Variants in ZNF385B observed in about 807,000 individuals in gnomAD.
ZNF385B encodes zinc finger protein 533.
Under a neutral mutation model 39.2 loss-of-function variants are expected in ZNF385B, and 23 were observed. The ratio of observed to expected loss-of-function variants is 0.59; its 90% confidence interval spans 0.42 to 0.83. The LOEUF is 0.83. ZNF385B is among the 40% of genes least tolerant of loss of function. The pLI is 0.00. For synonymous variants in ZNF385B, 205 were observed against 222.6 expected (o/e 0.92, Z 0.70); for missense variants, 552 against 598.9 (o/e 0.92, Z 0.82).
At chr2:179,690,379 G>A (rs73973676) in intron 3 of ZNF385B, among the ~76,000 whole-genome samples, 288 of 152,242 alleles carry the variant, frequency 1.9e-3, no homozygotes, top group African/African-American at 6.5e-3. Context: ...TCACGTCTGT[G>A]CATACTCAAG....
intron 1 of ZNF385B, among the ~76,000 whole-genome samples, chr2:179,855,445 A>C (rs2105450817): frequency 6.6e-6 from 1 of 152,306 alleles, no homozygotes; most frequent in East Asian, 1.9e-4. Flanking sequence ...CATTTTTCAT[A>C]AAGTAGGTAT....
intron 3 of ZNF385B, among the ~76,000 whole-genome samples, chr2:179,748,688 A>G (rs1702512092): frequency 6.6e-6 from 1 of 152,208 alleles, no homozygotes; most frequent in African/African-American, 2.4e-5. Flanking sequence ...TTTAAAAACA[A>G]ATGTTCTCAA....
chr2:179,551,540 A>G (rs1574752975), intron 3 of ZNF385B, among the ~76,000 whole-genome samples: 1 of 152,144 alleles, frequency 6.6e-6, no homozygotes, highest in East Asian at 1.9e-4. Context: ...TAAATCACAC[A>G]CCCACCAGTG....
intron 3 of ZNF385B, among the ~76,000 whole-genome samples, chr2:179,661,221 T>C (rs1288166793): frequency 6.6e-6 from 1 of 152,172 alleles, no homozygotes; most frequent in Non-Finnish European, 1.5e-5. Context: ...GAAAACAGGA[T>C]AATTTAAAGC....
At chr2:179,454,985 A>G (rs1320472235) in intron 6 of ZNF385B, among the ~76,000 whole-genome samples, 1 of 152,154 alleles carries the variant, frequency 6.6e-6, no homozygotes, top group Non-Finnish European at 1.5e-5. Context: ...AGTGCTTATA[A>G]AGTCTACAGT....
intron 6 of ZNF385B, chr2:179,481,133 T>A (rs1200344839): frequency 1.3e-5 from 2 of 152,198 alleles, no homozygotes; most frequent in Non-Finnish European, 2.9e-5. Flanking sequence ...CTGGTATGCT[T>A]TATCCTGGTG....
chr2:179,594,875 T>G (rs926603078), intron 3 of ZNF385B, among the ~76,000 whole-genome samples: 2 of 151,826 alleles, frequency 1.3e-5, no homozygotes, highest in African/African-American at 4.8e-5. Flanking sequence ...GGCCTAATCA[T>G]GGTTTACTGC....
At chr2:179,773,920 A>T (rs925233367) in intron 1 of ZNF385B, among the ~76,000 whole-genome samples, 5 of 152,166 alleles carry the variant, frequency 3.3e-5, no homozygotes, top group Non-Finnish European at 7.4e-5. Flanking sequence ...ATAGGCACTT[A>T]ATAAATGTTG....
intron 3 of ZNF385B, among the ~76,000 whole-genome samples, chr2:179,643,583 A>C (rs1299051806): frequency 6.6e-6 from 1 of 152,178 alleles, no homozygotes; most frequent in African/African-American, 2.4e-5. Flanking sequence ...AATCTCAAAG[A>C]GTTTGTGCTG....
chr2:179,585,655 T>C (rs17818050), intron 3 of ZNF385B, among the ~76,000 whole-genome samples: 54,862 of 152,018 alleles, frequency 0.36, 10,179 homozygotes, highest in Middle Eastern at 0.43. Context: ...AATCTAACAG[T>C]CTTGGAATAA....
In ZNF385B at chr2:179,852,553, C is replaced by T. The variant is rs1036027381; in HGVS notation, c.-155+8548G>A. ...CATGAGTGAGCTCACATAGATACTG[C>T]GGCAGGCGTCCAGTGGTTCACGTTG... On this transcript the variant is annotated intron_variant, in intron 1 of 9. Coordinates refer to ENST00000410066, the MANE Select transcript of ZNF385B (RefSeq NM_152520.6). 2.0e-4 allele frequency among the ~76,000 whole-genome samples: 31 copies of T among 152,098 alleles called. 1 individual carries two copies. Among genetic ancestry groups the T allele is most frequent in the African/African-American group, 2.9e-4 (12 of 41,410 alleles).
chr2:179,565,787 T>C (rs1414111259), intron 3 of ZNF385B, among the ~76,000 whole-genome samples: 1 of 152,246 alleles, frequency 6.6e-6, no homozygotes, highest in Non-Finnish European at 1.5e-5. Context: ...CCACGAAGCC[T>C]TCCCTCTTTT....
chr2:179,835,677 C>T (rs1195093546), intron 1 of ZNF385B, among the ~76,000 whole-genome samples: 2 of 151,966 alleles, frequency 1.3e-5, no homozygotes, highest in African/African-American at 2.4e-5. Flanking sequence ...TTCTGTTTGT[C>T]ATTATTGTTA....
At chr2:179,683,652 T>G (rs976217826) in intron 3 of ZNF385B, among the ~76,000 whole-genome samples, 2 of 151,834 alleles carry the variant, frequency 1.3e-5, no homozygotes, top group African/African-American at 4.8e-5. Flanking sequence ...ATTTTTGTAT[T>G]TTTAGTACAG....
intron 5 of ZNF385B, chr2:179,514,081 T>G (rs2057901409): frequency 6.6e-6 from 1 of 152,240 alleles, no homozygotes; most frequent in African/African-American, 2.4e-5. Context: ...GCTTATTATC[T>G]TACAGTTCTG....
At chr2:179,709,954 G>A (rs537128436) in intron 3 of ZNF385B, among the ~76,000 whole-genome samples, 30 of 152,246 alleles carry the variant, frequency 2.0e-4, no homozygotes, top group African/African-American at 6.5e-4. Context: ...GCATCCCCAC[G>A]GATTTCAACA....
chr2:179,780,625 G>A (rs555801389), intron 1 of ZNF385B, among the ~76,000 whole-genome samples: 44 of 152,086 alleles, frequency 2.9e-4, no homozygotes, highest in Non-Finnish European at 5.7e-4. Context: ...ATCCTTGATT[G>A]TAGACAACTT....
rs542236503 is a variant in ZNF385B at position 179,685,988 on chromosome 2, G to A, written c.298+83515C>T. ...GCCTTCTATTAATTGGGAAGGGAGT[G>A]GAGACCACCTCCTCTCTATTTTCCC... On this transcript the variant is annotated intron_variant, in intron 3 of 9. Coordinates refer to ENST00000410066, the MANE Select transcript of ZNF385B (RefSeq NM_152520.6). 9.9e-5 allele frequency among the ~76,000 whole-genome samples: 15 copies of A among 152,254 alleles called. No individual in the cohort carries two copies. The South Asian group carries it at 2.9e-3, about 30-fold the overall frequency.
chr2:179,602,003 A>G (rs1688446650), intron 3 of ZNF385B, among the ~76,000 whole-genome samples: 1 of 152,180 alleles, frequency 6.6e-6, no homozygotes. Flanking sequence ...CTAACCTACA[A>G]TTCTCATCAC....
Sources: allele counts gnomAD v4.1 joint callset (sites outside exome capture counted in the v4.1 genomes callset), GRCh38; gene constraint gnomAD v4.1.1; transcripts MANE v1.5; gene names NCBI Gene and HGNC (gene_info 2026-07-23, HGNC 2026-07-21).